The following STXBP5L variants were observed in gnomAD, a reference collection of about 807,000 sequenced individuals.
STXBP5L encodes the protein syntaxin binding protein 5L.
STXBP5L carries 65 observed loss-of-function variants against 144.5 expected under a neutral mutation model. That is an observed-to-expected ratio of 0.45 (90% CI 0.37 to 0.55). STXBP5L has a LOEUF of 0.55. Ranked by LOEUF, STXBP5L falls within the 20% of genes least tolerant of loss-of-function variation. STXBP5L has a pLI of 0.00. For synonymous variants in STXBP5L, 505 were observed against 469.6 expected, an observed-to-expected ratio of 1.08 and a Z score of -0.97; for missense variants, 1,298 against 1,405.5, an observed-to-expected ratio of 0.92 and a Z score of 1.22.
At chr3:121,335,066 T>C (rs971394611) in intron 20 of STXBP5L, among the ~76,000 whole-genome samples, 1 of 152,112 alleles carries the variant, frequency 6.6e-6, no homozygotes. Flanking sequence ...CCTATAGTTA[T>C]AGACAAAAAG....
At chr3:121,036,843 A>G (rs1000078459) in intron 3 of STXBP5L, among the ~76,000 whole-genome samples, 17 of 121,648 alleles carry the variant, frequency 1.4e-4, no homozygotes, top group South Asian at 2.5e-4. Flanking sequence ...GGTTAGTTAC[A>G]TATGTATTTT....
chr3:121,241,067 A>G (rs1168099357), intron 14 of STXBP5L, among the ~76,000 whole-genome samples: 1 of 152,074 alleles, frequency 6.6e-6, no homozygotes, highest in African/African-American at 2.4e-5. Context: ...ACAACTAAAA[A>G]CTCTGGATAT....
At chr3:121,211,222 GCTCT>G (rs1169719685) in intron 10 of STXBP5L, among the ~76,000 whole-genome samples, 2 of 152,026 alleles carry the variant, frequency 1.3e-5, no homozygotes, top group South Asian at 4.1e-4. Context: ...TCACGATTTG[GCTCT>G]CTGTCTGTTA....
intron 6 of STXBP5L, among the ~76,000 whole-genome samples, chr3:121,120,062 A>G (rs1425409389): frequency 1.3e-5 from 2 of 151,378 alleles, no homozygotes; most frequent in Admixed American, 6.6e-5. Flanking sequence ...AAGATTTACA[A>G]TGCTTATTTG....
At chr3:121,236,193 A>T (rs2049476420) in intron 12 of STXBP5L, among the ~76,000 whole-genome samples, 1 of 152,206 alleles carries the variant, frequency 6.6e-6, no homozygotes, top group Non-Finnish European at 1.5e-5. Flanking sequence ...TCTAGTTTAC[A>T]TAGGAAATGA....
intron 2 of STXBP5L, among the ~76,000 whole-genome samples, chr3:120,954,714 G>C (rs183599354): frequency 6.6e-6 from 1 of 151,860 alleles, no homozygotes; most frequent in Non-Finnish European, 1.5e-5. Context: ...TGTATATTTA[G>C]TTTTATAAGA....
At chr3:121,382,103 CT>C (rs34239616) in intron 22 of STXBP5L, among the ~76,000 whole-genome samples, 2,890 of 148,790 alleles carry the variant, frequency 0.019, 83 homozygotes, top group African/African-American at 0.065. Context: ...CTTGAATTAT[CT>C]TTTTTTTTTG....
At chr3:121,320,593 G>A (rs1577451840) in intron 20 of STXBP5L, among the ~76,000 whole-genome samples, 1 of 151,496 alleles carries the variant, frequency 6.6e-6, no homozygotes, top group East Asian at 1.9e-4. Flanking sequence ...TATAATTGCT[G>A]TCAGTTTTTG....
chr3:121,082,591 A>G (rs2042303402), intron 5 of STXBP5L, among the ~76,000 whole-genome samples: 1 of 152,152 alleles, frequency 6.6e-6, no homozygotes, highest in African/African-American at 2.4e-5. Context: ...ATTCTTGGTA[A>G]TTTTATCTCT....
At chr3:121,050,613 C>T (rs1302353304) in intron 5 of STXBP5L, among the ~76,000 whole-genome samples, 1 of 152,102 alleles carries the variant, frequency 6.6e-6, no homozygotes, top group Non-Finnish European at 1.5e-5. Context: ...ACAACCGGTA[C>T]CAGCCACTGC....
intron 5 of STXBP5L, among the ~76,000 whole-genome samples, chr3:121,055,560 G>T (rs771782971): frequency 6.6e-6 from 1 of 151,980 alleles, no homozygotes; most frequent in Admixed American, 6.6e-5. Context: ...TCCCAGGCTG[G>T]AGTGCAATGG....
chr3:120,922,534 C>A (rs988571392), intron 2 of STXBP5L, among the ~76,000 whole-genome samples: 2 of 151,978 alleles, frequency 1.3e-5, no homozygotes, highest in African/African-American at 4.8e-5. Context: ...GCATCCTTGT[C>A]TTGCTCCAGA....
chr3:121,407,735 TG>T (rs2047027130), intron 23 of STXBP5L, 132 bp downstream of exon 23: 2 of 1,281,054 alleles, frequency 1.6e-6, no homozygotes, highest in African/African-American at 3.0e-5. Context: ...TGTTTCTGGA[TG>T]TTTTATTGTT....
chr3:121,202,727 C>T (rs1453148367), intron 9 of STXBP5L, among the ~76,000 whole-genome samples: 2 of 152,026 alleles, frequency 1.3e-5, no homozygotes, highest in Non-Finnish European at 2.9e-5. Flanking sequence ...TGTCATATCA[C>T]ATTCCATTGC....
At chr3:121,318,183 C>A (rs1017579418) in intron 19 of STXBP5L, among the ~76,000 whole-genome samples, 2 of 151,958 alleles carry the variant, frequency 1.3e-5, no homozygotes, top group Non-Finnish European at 2.9e-5. Context: ...ATAGGCCAGG[C>A]ATGGTGGCTC....
chr3:121,118,340 G>A (rs1316622262), intron 6 of STXBP5L, among the ~76,000 whole-genome samples: 1 of 151,732 alleles, frequency 6.6e-6, no homozygotes, highest in Non-Finnish European at 1.5e-5. Flanking sequence ...GTGAGTTTCA[G>A]TTAGATGAGT....
intron 7 of STXBP5L, among the ~76,000 whole-genome samples, chr3:121,141,222 G>T (rs146807950): frequency 6.6e-6 from 1 of 152,030 alleles, no homozygotes; most frequent in Non-Finnish European, 1.5e-5. Flanking sequence ...TGACCAACAC[G>T]GAGAAACCCT....
chr3:121,108,189 T>C (rs182380193), intron 5 of STXBP5L, among the ~76,000 whole-genome samples: 35 of 152,320 alleles, frequency 2.3e-4, no homozygotes, highest in African/African-American at 8.2e-4. Context: ...CTCTTCCTAT[T>C]TCAATACGCT....
At chr3:120,989,038 A>T (rs1304319645) in intron 3 of STXBP5L, among the ~76,000 whole-genome samples, 2 of 152,128 alleles carry the variant, frequency 1.3e-5, no homozygotes. Context: ...GAATATATAT[A>T]CACCACACTT....
Sources: gnomAD v4.1 joint callset for allele counts (sites outside exome capture counted in the v4.1 genomes callset) on GRCh38, gnomAD v4.1.1 for gene constraint, MANE v1.5 for transcripts, NCBI Gene and HGNC (gene_info 2026-07-23, HGNC 2026-07-21) for gene names.